The following SFSWAP variants were observed in gnomAD, a reference collection of about 807,000 sequenced individuals.
SFSWAP encodes the protein splicing factor SWAP, also known as splicing factor, suppressor of white-apricot homolog.
In SFSWAP, 17 loss-of-function variants were observed where a neutral mutation model predicts 100.7. That is an observed-to-expected ratio of 0.17 (90% CI 0.12 to 0.25). The LOEUF (loss-of-function observed/expected upper bound fraction) is 0.25, where lower values mean the gene tolerates loss of function less well. Ranked by LOEUF, SFSWAP falls within the 10% of genes least tolerant of loss-of-function variation. The pLI, the probability that SFSWAP is intolerant of heterozygous loss-of-function variation, is 1.00. For synonymous variants in SFSWAP, 504 were observed against 510.1 expected (o/e 0.99, Z 0.16); for missense variants, 1,005 against 1,262.6 (o/e 0.80, Z 3.09).
chr12:131,792,062 CGT>C (rs746197310), intron 15 of SFSWAP, among the ~76,000 whole-genome samples: 4 of 149,940 alleles, frequency 2.7e-5, no homozygotes, highest in Non-Finnish European at 5.9e-5. Context: ...TGTGTGTGCA[CGT>C]GTGTGTTCAC....
intron 12 of SFSWAP, 128 bp from the exon 13 acceptor site, chr12:131,765,990 A>G (rs1045810696): frequency 2.4e-6 from 2 of 850,556 alleles, no homozygotes; most frequent in Non-Finnish European, 3.6e-6. Context: ...TGATTTGTCC[A>G]ATGTATGTAC....
rs1250115498 is a variant in SFSWAP, at chr12:131,734,668, A to G, written c.1081+6240A>G. On this transcript the variant is annotated intron_variant, in intron 7 of 17. Transcript: ENST00000261674. This position sits in a 1 kb window ranked among gnomAD's most constrained non-coding sequence, Gnocchi z 4.9. ...CCAAGGGGCCACGGGGCTCCCAGGA[A>G]CATTCACCGAGTAACTTCAGAAAAG... 6.6e-6 allele frequency among the ~76,000 whole-genome samples: 1 copy of G among 152,212 alleles called. No individual in the cohort carries two copies. The highest frequency in any genetic ancestry group is 1.5e-5 in the Non-Finnish European group (1 of 68,048).
chr12:131,744,371 A>G (rs1159266743), intron 7 of SFSWAP, among the ~76,000 whole-genome samples: 1 of 152,198 alleles, frequency 6.6e-6, no homozygotes, highest in African/African-American at 2.4e-5. Context: ...TTCACCAGAT[A>G]CCCTAAATCA....
Position 131,728,422 on chromosome 12 carries a change from G to T in SFSWAP, c.1075G>T (p.Ala359Ser). 8 of 1,614,128 alleles carry T rather than the reference G, an allele frequency of 5.0e-6. No homozygotes were observed. Among genetic ancestry groups the T allele is most frequent in the Non-Finnish European group, 6.8e-6 (8 of 1,179,982 alleles). ...GCAGCCCTCCCAGGTGGAGTACACGGCAGACTGTGAGTACTCACTGTGTAT... is the reference window on the plus strand; with the variant it reads ...GCAGCCCTCCCAGGTGGAGTACACGTCAGACTGTGAGTACTCACTGTGTAT... ...PVQPSQVEYTADSTVAAMYYS... is the reference protein window; with the variant it reads ...PVQPSQVEYTSDSTVAAMYYS... Residue 359 changes from alanine to serine, a missense_variant, in exon 7 of 18, where the codon GCA becomes TCA. By Grantham distance (99) the Ala-to-Ser change is moderately conservative. Transcript: ENST00000261674.
At chr12:131,773,210 C>G (rs1245599895) in intron 13 of SFSWAP, among the ~76,000 whole-genome samples, 1 of 152,220 alleles carries the variant, frequency 6.6e-6, no homozygotes, top group Non-Finnish European at 1.5e-5. Context: ...CATACATTCT[C>G]TCTTCATTCC....
rs952444370 is a variant in SFSWAP at position 131,711,701 on chromosome 12, C to G, written c.218+254C>G. On this transcript the variant is annotated intron_variant, in intron 1 of 17. Coordinates refer to ENST00000261674, the MANE Select transcript of SFSWAP (RefSeq NM_004592.4). This position sits in a 1 kb window ranked among gnomAD's most constrained non-coding sequence, Gnocchi z 4.9. Reference sequence around the variant, plus strand: ...GATCGTCTCTGGTCCCGCAGCCCCTCTCGACCCCTCACCCTGTCGCTGGGC... The same window carrying G: ...GATCGTCTCTGGTCCCGCAGCCCCTGTCGACCCCTCACCCTGTCGCTGGGC... The G allele has an allele frequency of 4.5e-5, 22 of 487,530 alleles. 1 individual carries two copies. Among genetic ancestry groups the G allele is most frequent in the African/African-American group, 3.9e-4 (20 of 51,112 alleles). 30.2% of individuals were successfully genotyped at this position (487,530 alleles called of 1,614,324 possible). A position where few individuals can be genotyped will look rare whatever the true frequency, so the allele number is the denominator to read the frequency against.
At chr12:131,779,061 C>G (rs1884249535) in intron 14 of SFSWAP, among the ~76,000 whole-genome samples, 1 of 150,554 alleles carries the variant, frequency 6.6e-6, no homozygotes, top group South Asian at 2.1e-4. Flanking sequence ...TTTGGATTCT[C>G]TGCTCTGCAC....
rs749298764 is a variant in SFSWAP, at chr12:131,725,354, C to T, written c.607-51C>T. 22 of 1,423,106 alleles carry T rather than the reference C, an allele frequency of 1.5e-5. No homozygotes were observed. The highest frequency in any genetic ancestry group is 5.7e-5 in the South Asian group (5 of 86,998). The allele number at this position is 1,423,106 out of a possible 1,614,324, so 88.2% of individuals were successfully genotyped here. A position where few individuals can be genotyped will look rare whatever the true frequency, so the allele number is the denominator to read the frequency against. On this transcript the variant is annotated intron_variant, in intron 4 of 17. Coordinates refer to ENST00000261674, the MANE Select transcript of SFSWAP (RefSeq NM_004592.4). This position sits in a 1 kb window ranked among gnomAD's most constrained non-coding sequence, Gnocchi z 4.3. ...CTATGTTTTAATGAAATCACGTGGC[C>T]GGTGGACAAGAGGACAAATGGGTGA...
chr12:131,782,311 A>G (rs891328102), intron 14 of SFSWAP, among the ~76,000 whole-genome samples: 12 of 152,212 alleles, frequency 7.9e-5, no homozygotes, highest in African/African-American at 2.9e-4. Flanking sequence ...GCCAGCAATA[A>G]TCATTTCCAG....
In SFSWAP at chr12:131,778,547, T is replaced by C. The variant is rs1261081474; in HGVS notation, c.2408+217T>C. On this transcript the variant is annotated intron_variant, in intron 14 of 17. Transcript: ENST00000261674. The surrounding 1 kb of genome is among the most constrained non-coding windows in gnomAD (Gnocchi z 4.2). ...CTTTTTCTTTTTTGAGACAGAGTTT[T>C]GTTCTTGTTGCCCAGGCTAGAGTGC... 6.6e-6 allele frequency among the ~76,000 whole-genome samples: 1 copy of C among 152,208 alleles called. No homozygotes were observed. The highest frequency in any genetic ancestry group is 2.4e-5 in the African/African-American group (1 of 41,450).
Position 131,734,790 on chromosome 12 carries a change from T to A in SFSWAP, c.1081+6362T>A, listed in dbSNP as rs770834068. On this transcript the variant is annotated intron_variant, in intron 7 of 17. Transcript: ENST00000261674. This position sits in a 1 kb window ranked among gnomAD's most constrained non-coding sequence, Gnocchi z 4.9. ...ACTGACAGGTGAGATGAACGAGCTC[T>A]CCCTGCGTGCGCACGTCTACGTACG... is the stretch of plus-strand genomic sequence containing the variant. Among the ~76,000 whole-genome samples the A allele has an allele frequency of 6.6e-6, 1 of 152,132 alleles. No individual in the cohort carries two copies. The highest frequency in any genetic ancestry group is 2.4e-5 in the African/African-American group (1 of 41,414).
chr12:131,770,856 C>T (rs1450338262), intron 13 of SFSWAP, among the ~76,000 whole-genome samples: 4 of 152,208 alleles, frequency 2.6e-5, no homozygotes, highest in Non-Finnish European at 2.9e-5. Context: ...CTGCCCTCCC[C>T]TCCCCCAGCC....
intron 11 of SFSWAP, chr12:131,757,902 A>C (rs963933335): frequency 1.3e-5 from 2 of 152,264 alleles, no homozygotes; most frequent in Non-Finnish European, 2.9e-5. Flanking sequence ...CTGCTCTAGA[A>C]ACCCGGGGAG....
At position 131,766,226 on chromosome 12, in the gene SFSWAP, C is replaced by T. The variant is rs371971087; in HGVS notation, c.2060C>T (p.Ala687Val). The T allele has an allele frequency of 1.1e-5, 17 of 1,614,004 alleles. No individual in the cohort carries two copies. The highest frequency in any genetic ancestry group is 1.4e-5 in the Non-Finnish European group (16 of 1,180,024). ...CTTCAAGCAGAACGTAAAAGGAAAGCGGCGTTATTTTTACAGACCCTCAAA... is the reference window on the plus strand; with the variant it reads ...CTTCAAGCAGAACGTAAAAGGAAAGTGGCGTTATTTTTACAGACCCTCAAA... ...KQLQAERKRK[A>V]ALFLQTLKNP... is the part of the protein sequence containing the mutation. The change falls in exon 13 of 18, where the codon GCG becomes GTG. Residue 687 changes from alanine (A) to valine (V), a missense_variant. By Grantham distance (64) the Ala-to-Val change is moderately conservative. Transcript: ENST00000261674.
At chr12:131,777,983 G>T in intron 13 of SFSWAP, 82 bp from the exon 14 acceptor site, 1 of 1,532,238 alleles carries the variant, frequency 6.5e-7, no homozygotes, top group Non-Finnish European at 8.7e-7. Context: ...GGTGTGAGGG[G>T]CCCAAAGTTG....
intron 10 of SFSWAP, among the ~76,000 whole-genome samples, chr12:131,755,751 C>T (rs577280137): frequency 6.6e-6 from 1 of 152,334 alleles, no homozygotes; most frequent in South Asian, 2.1e-4. Context: ...TTCAACTGTT[C>T]GATGTTTTGG....
chr12:131,775,832 G>A (rs1174771833), intron 13 of SFSWAP, among the ~76,000 whole-genome samples: 6 of 151,762 alleles, frequency 4.0e-5, no homozygotes, highest in Non-Finnish European at 8.8e-5. Flanking sequence ...GTTCACGCCC[G>A]TAATCTCAGC....
chr12:131,788,256 G>A (rs756278660), intron 15 of SFSWAP, among the ~76,000 whole-genome samples: 14 of 152,292 alleles, frequency 9.2e-5, no homozygotes, highest in East Asian at 5.8e-4. Flanking sequence ...CCAGACTCGC[G>A]TGACCTGCTG....
chr12:131,726,853 C>G (rs1304819411), intron 5 of SFSWAP, 87 bp from the exon 6 acceptor site: 1 of 829,450 alleles, frequency 1.2e-6, no homozygotes, highest in Non-Finnish European at 2.0e-6. Flanking sequence ...ACCAAGATAA[C>G]TTGGCTGCTT....
Sources: allele counts gnomAD v4.1 joint callset (sites outside exome capture counted in the v4.1 genomes callset), GRCh38; gene constraint gnomAD v4.1.1; non-coding constraint Gnocchi (gnomAD v3.1); transcripts MANE v1.5; gene names NCBI Gene and HGNC (gene_info 2026-07-23, HGNC 2026-07-21).